The following ARK2C variants were observed in gnomAD, a reference collection of about 807,000 sequenced individuals.
ARK2C encodes the protein E3 ubiquitin-protein ligase ARK2C.
At chr18:46,351,483 A>G in the ARK2C span, among the ~76,000 whole-genome samples, 2 of 152,180 alleles carry the variant, frequency 1.3e-5, no homozygotes, top group Non-Finnish European at 2.9e-5. Flanking sequence ...CCAAATGGTA[A>G]GGTTTGCTAA....
the ARK2C span, among the ~76,000 whole-genome samples, chr18:46,339,548 T>G: frequency 6.6e-6 from 1 of 152,212 alleles, no homozygotes; most frequent in East Asian, 1.9e-4. Context: ...TTCTTTATAT[T>G]TATTCTCTCA....
the ARK2C span, chr18:46,462,495 T>C: frequency 6.6e-6 from 1 of 152,394 alleles, no homozygotes; most frequent in Admixed American, 6.5e-5. Flanking sequence ...GGGCTGTGTA[T>C]GGTCCCTAAA....
At chr18:46,356,365 G>T in the ARK2C span, among the ~76,000 whole-genome samples, 1 of 152,062 alleles carries the variant, frequency 6.6e-6, no homozygotes, top group Non-Finnish European at 1.5e-5. Flanking sequence ...ATGTGCCATG[G>T]TGCAAAATAG....
the ARK2C span, among the ~76,000 whole-genome samples, chr18:46,363,985 C>T: frequency 7.1e-6 from 1 of 141,590 alleles, no homozygotes; most frequent in African/African-American, 2.7e-5. Flanking sequence ...TCTCTCTCTG[C>T]CCCCCAGGCT....
chr18:46,409,161 T>C, the ARK2C span, among the ~76,000 whole-genome samples: 10 of 152,272 alleles, frequency 6.6e-5, no homozygotes, highest in South Asian at 1.9e-3. Flanking sequence ...CTGCAGGCCT[T>C]CAAGATCAGG....
the ARK2C span, among the ~76,000 whole-genome samples, chr18:46,411,279 G>C: frequency 0.017 from 2,541 of 152,280 alleles, 39 homozygotes; most frequent in East Asian, 0.095. Context: ...GCTTTGGGTT[G>C]GGTGAGTTTG....
At chr18:46,344,506 C>A in the ARK2C span, among the ~76,000 whole-genome samples, 1 of 152,194 alleles carries the variant, frequency 6.6e-6, no homozygotes, top group Non-Finnish European at 1.5e-5. Flanking sequence ...CAAATTCCCT[C>A]GAGCTAATGG....
the ARK2C span, among the ~76,000 whole-genome samples, chr18:46,351,276 G>C: frequency 6.6e-6 from 1 of 152,178 alleles, no homozygotes; most frequent in Non-Finnish European, 1.5e-5. Flanking sequence ...AGTGGAGCTC[G>C]GGACTTCCCT....
At chr18:46,404,693 T>C in the ARK2C span, among the ~76,000 whole-genome samples, 1 of 151,824 alleles carries the variant, frequency 6.6e-6, no homozygotes, top group African/African-American at 2.4e-5. Context: ...GTTGAGGTTG[T>C]AGTGAGCCGA....
the ARK2C span, among the ~76,000 whole-genome samples, chr18:46,399,018 C>G: frequency 7.2e-5 from 11 of 152,094 alleles, no homozygotes; most frequent in East Asian, 1.9e-4. Flanking sequence ...TGTGAGTTAC[C>G]ACGACACCCG....
chr18:46,415,897 C>T, the ARK2C span, among the ~76,000 whole-genome samples: 2 of 152,088 alleles, frequency 1.3e-5, no homozygotes, highest in Non-Finnish European at 2.9e-5. Context: ...CCTGGAGTGC[C>T]AGGTGGGAGG....
the ARK2C span, among the ~76,000 whole-genome samples, chr18:46,399,142 G>T: frequency 3.3e-4 from 51 of 152,304 alleles, no homozygotes; most frequent in East Asian, 9.5e-3. Context: ...TGCCCACGAG[G>T]TTGGCCAAGC....
chr18:46,433,213 C>T, the ARK2C span: 9 of 1,596,262 alleles, frequency 5.6e-6, no homozygotes, highest in Non-Finnish European at 7.7e-6. Context: ...AAGGTCTCAG[C>T]ATCCTCACGC....
the ARK2C span, among the ~76,000 whole-genome samples, chr18:46,427,595 T>A: frequency 6.6e-6 from 1 of 152,224 alleles, no homozygotes. Context: ...GCCATTCTCT[T>A]TCCCGTTCCG....
At chr18:46,424,890 A>G in the ARK2C span, among the ~76,000 whole-genome samples, 1 of 152,208 alleles carries the variant, frequency 6.6e-6, no homozygotes, top group Admixed American at 6.5e-5. Flanking sequence ...CTGTGGGCAG[A>G]GACCTGCTTT....
the ARK2C span, among the ~76,000 whole-genome samples, chr18:46,395,054 C>G: frequency 1.6e-3 from 244 of 152,316 alleles, no homozygotes; most frequent in African/African-American, 5.8e-3. Context: ...CATACAGGTA[C>G]CCCCTCTCCT....
the ARK2C span, among the ~76,000 whole-genome samples, chr18:46,389,813 C>T: frequency 1.3e-5 from 2 of 152,082 alleles, no homozygotes; most frequent in Non-Finnish European, 2.9e-5. Flanking sequence ...ACTGCAGCCT[C>T]GACTGCCCAG....
the ARK2C span, among the ~76,000 whole-genome samples, chr18:46,440,430 G>A: frequency 2.0e-5 from 3 of 152,210 alleles, no homozygotes; most frequent in South Asian, 6.2e-4. Context: ...AGTATAGGAA[G>A]AAACATAGTA....
the ARK2C span, among the ~76,000 whole-genome samples, chr18:46,442,122 C>T: frequency 1.4e-5 from 2 of 146,096 alleles, no homozygotes; most frequent in African/African-American, 5.1e-5. Context: ...GAGATCGCGC[C>T]ACTGCGCTCC....
Sources: gnomAD v4.1 joint callset for allele counts (sites outside exome capture counted in the v4.1 genomes callset) on GRCh38, gnomAD v4.1.1 for gene constraint, MANE v1.5 for transcripts, NCBI Gene and HGNC (gene_info 2026-07-23, HGNC 2026-07-21) for gene names.